The following IL1RAPL2 variants were observed in gnomAD, a reference collection of about 807,000 sequenced individuals.
The protein encoded by IL1RAPL2 is interleukin 1 receptor accessory protein like 2.
A neutral mutation model predicts 44.1 loss-of-function variants in IL1RAPL2; 3 were observed. The observed-to-expected ratio is 0.07, with a 90% CI of 0.03 to 0.18. The LOEUF (loss-of-function observed/expected upper bound fraction) is 0.18, where lower values mean the gene tolerates loss of function less well. Among genes scored for constraint, IL1RAPL2 ranks in the 10% least tolerant of loss-of-function variants. The pLI is 1.00. For missense variants in IL1RAPL2, 391 were observed against 496.4 expected (o/e 0.79, Z 2.02); for synonymous variants, 181 against 178.8 (o/e 1.01, Z -0.10).
At position 105,296,194 on chromosome X, in the gene IL1RAPL2, C is replaced by T. The variant is rs528053784; in HGVS notation, c.697+28653C>T. On this transcript the variant is annotated intron_variant, in intron 5 of 10. Transcript: ENST00000372582. ...CAACTATGTTAGCACCACAGAGACC[C>T]CATAGATCAGCTTAATTGTACTACT... 6.3e-5 allele frequency among the ~76,000 whole-genome samples: 7 copies of T among 110,848 alleles called. No homozygotes were observed. The South Asian group carries it at 2.8e-3, about 44-fold the overall frequency.
At chrX:104,730,165 G>A (rs982250248) in intron 2 of IL1RAPL2, among the ~76,000 whole-genome samples, 3 of 110,848 alleles carry the variant, frequency 2.7e-5, no homozygotes, top group Non-Finnish European at 5.7e-5. Context: ...ACTAGGAAAC[G>A]TTGAAATATT....
intron 2 of IL1RAPL2, among the ~76,000 whole-genome samples, chrX:104,730,216 T>C (rs1269907072): frequency 9.0e-6 from 1 of 111,429 alleles, no homozygotes; most frequent in African/African-American, 3.3e-5. Context: ...TAAACTGAAG[T>C]AATTTATTAA....
intron 2 of IL1RAPL2, among the ~76,000 whole-genome samples, chrX:104,957,997 C>CT (rs1393575933): frequency 1.8e-5 from 2 of 111,548 alleles, no homozygotes; most frequent in East Asian, 5.7e-4. Flanking sequence ...GAGGCTGAGA[C>CT]TGGAAGATCG....
At chrX:104,931,566 C>T (rs899135561) in intron 2 of IL1RAPL2, among the ~76,000 whole-genome samples, 3 of 111,043 alleles carry the variant, frequency 2.7e-5, no homozygotes, top group African/African-American at 9.8e-5. Context: ...CATGAAGACC[C>T]TGGGTAGTAG....
At chrX:104,922,843 A>T (rs1238876288) in intron 2 of IL1RAPL2, among the ~76,000 whole-genome samples, 1 of 112,032 alleles carries the variant, frequency 8.9e-6, no homozygotes, top group Non-Finnish European at 1.9e-5. Flanking sequence ...CCAGATAAAG[A>T]ATTCAAGGTA....
intron 2 of IL1RAPL2, among the ~76,000 whole-genome samples, chrX:105,040,625 A>G (rs181545634): frequency 0.052 from 5,629 of 109,008 alleles, 553 homozygotes; most frequent in African/African-American, 0.19. Flanking sequence ...TGTATGTGTC[A>G]AGGAATTTAT....
chrX:105,249,474 C>T (rs1440247822), intron 4 of IL1RAPL2, among the ~76,000 whole-genome samples: 1 of 111,107 alleles, frequency 9.0e-6, no homozygotes, highest in Admixed American at 9.6e-5. Context: ...ATTTAATTTT[C>T]CATTTTAAAA....
intron 5 of IL1RAPL2, among the ~76,000 whole-genome samples, chrX:105,309,262 C>G (rs1357786759): frequency 1.9e-5 from 2 of 106,254 alleles, no homozygotes. Flanking sequence ...GTCTCAAACT[C>G]CTGACCTCAA....
chrX:105,141,296 A>C (rs1431316724), intron 2 of IL1RAPL2, among the ~76,000 whole-genome samples: 5 of 110,683 alleles, frequency 4.5e-5, no homozygotes, highest in Non-Finnish European at 9.4e-5. Context: ...AGCTTCAAGC[A>C]TTGCAAGTCT....
At chrX:104,753,030 TATCA>T (rs1249823292) in intron 2 of IL1RAPL2, among the ~76,000 whole-genome samples, 6 of 110,389 alleles carry the variant, frequency 5.4e-5, no homozygotes, top group African/African-American at 2.0e-4. Flanking sequence ...GCTTTTACTC[TATCA>T]TTCAAGTTCC....
At chrX:105,529,992 A>G (rs1296577013) in intron 6 of IL1RAPL2, among the ~76,000 whole-genome samples, 1 of 112,335 alleles carries the variant, frequency 8.9e-6, no homozygotes, top group Non-Finnish European at 1.9e-5. Flanking sequence ...TATGGTAAAT[A>G]GTGCTGCTAT....
chrX:105,368,799 CG>C (rs1791322534), intron 5 of IL1RAPL2, among the ~76,000 whole-genome samples: 1 of 110,818 alleles, frequency 9.0e-6, no homozygotes, highest in Non-Finnish European at 1.9e-5. Flanking sequence ...TCTCCTCCTT[CG>C]GGTACACTGA....
At chrX:104,834,559 A>G (rs1489183958) in intron 2 of IL1RAPL2, among the ~76,000 whole-genome samples, 1 of 112,194 alleles carries the variant, frequency 8.9e-6, no homozygotes, top group African/African-American at 3.2e-5. Context: ...ACACAAACAA[A>G]TGATTCACTT....
At chrX:105,554,882 A>G (rs1013457078) in intron 6 of IL1RAPL2, among the ~76,000 whole-genome samples, 1 of 111,107 alleles carries the variant, frequency 9.0e-6, no homozygotes, top group South Asian at 3.8e-4. Flanking sequence ...AGATTTCTAC[A>G]TCTGTTTCTA....
intron 3 of IL1RAPL2, chrX:105,220,367 C>T (rs782586362): frequency 9.2e-6 from 11 of 1,194,787 alleles, no homozygotes; most frequent in African/African-American, 1.8e-5. Flanking sequence ...TGCCGGAACC[C>T]GCTACTGGGG....
intron 2 of IL1RAPL2, among the ~76,000 whole-genome samples, chrX:104,802,123 T>C (rs1401573471): frequency 9.0e-6 from 1 of 110,524 alleles, no homozygotes; most frequent in Non-Finnish European, 1.9e-5. Context: ...GGCAGGCGGA[T>C]CACCTGAGGT....
chrX:105,400,023 G>T (rs1018331021), intron 5 of IL1RAPL2, among the ~76,000 whole-genome samples: 1 of 111,448 alleles, frequency 9.0e-6, no homozygotes, highest in African/African-American at 3.3e-5. Flanking sequence ...ACAGTCTCCT[G>T]TGCAGTAGAA....
chrX:105,650,394 A>G (rs1184978140), intron 6 of IL1RAPL2, among the ~76,000 whole-genome samples: 1 of 111,808 alleles, frequency 8.9e-6, no homozygotes, highest in East Asian at 2.8e-4. Context: ...ACTAGGGAAT[A>G]AGACCAAAGT....
intron 2 of IL1RAPL2, among the ~76,000 whole-genome samples, chrX:105,101,777 A>T (rs1351546909): frequency 9.0e-6 from 1 of 111,715 alleles, no homozygotes; most frequent in African/African-American, 3.3e-5. Flanking sequence ...ACAATCAGGG[A>T]TTTAAAGACA....
Sources: gnomAD v4.1 joint callset for allele counts (sites outside exome capture counted in the v4.1 genomes callset) on GRCh38, gnomAD v4.1.1 for gene constraint, MANE v1.5 for transcripts, NCBI Gene and HGNC (gene_info 2026-07-23, HGNC 2026-07-21) for gene names.